BNC2: variants seen among roughly 807,000 people sequenced by gnomAD.
The protein encoded by BNC2 is basonuclin zinc finger protein 2, also known as zinc finger protein basonuclin-2.
A neutral mutation model predicts 76.3 loss-of-function variants in BNC2; 20 were observed. The observed-to-expected ratio is 0.26, with a 90% CI of 0.18 to 0.38. The LOEUF (loss-of-function observed/expected upper bound fraction) is 0.38, where lower values mean the gene tolerates loss of function less well. Among genes scored for constraint, BNC2 ranks in the 10% least tolerant of loss-of-function variants. BNC2 has a pLI of 1.00. For synonymous variants in BNC2, 582 were observed against 514.8 expected (o/e 1.13, Z -1.77); for missense variants, 1,382 against 1,399.8 (o/e 0.99, Z 0.20).
Position 16,663,263 on chromosome 9 carries a change from G to A in BNC2, c.330+64534C>T, listed in dbSNP as rs1462570196. 4.0e-5 allele frequency among the ~76,000 whole-genome samples: 6 copies of A among 151,346 alleles called. No homozygotes were observed. The East Asian group carries it at 7.8e-4, about 20-fold the overall frequency. ...TCCTGCCTCAGCCGCCCGAGTAGCT[G>A]GGCTGATTACAGGCGCCCGCCACCG... is the stretch of plus-strand genomic sequence containing the variant. On this transcript the variant is annotated intron_variant, in intron 3 of 6. Coordinates refer to ENST00000380672, the MANE Select transcript of BNC2 (RefSeq NM_017637.6).
chr9:16,693,385 C>A (rs893031447), intron 3 of BNC2, among the ~76,000 whole-genome samples: 2 of 152,120 alleles, frequency 1.3e-5, no homozygotes, highest in Non-Finnish European at 1.5e-5. Flanking sequence ...CCAATAGTCT[C>A]GGTCAGTGCC....
At chr9:16,670,164 G>C (rs28403152) in intron 3 of BNC2, among the ~76,000 whole-genome samples, 7,983 of 152,070 alleles carry the variant, frequency 0.052, 390 homozygotes, top group African/African-American at 0.12. Context: ...TGGTTTAATA[G>C]AAGCATTAAC....
chr9:16,633,286 G>A (rs917615770), intron 3 of BNC2, among the ~76,000 whole-genome samples: 2 of 152,158 alleles, frequency 1.3e-5, no homozygotes, highest in African/African-American at 4.8e-5. Context: ...CAAGGTTCTA[G>A]TTCTGTCCCA....
At chr9:16,577,033 G>A (rs546260546) in intron 4 of BNC2, among the ~76,000 whole-genome samples, 6 of 152,260 alleles carry the variant, frequency 3.9e-5, no homozygotes, top group Admixed American at 1.3e-4. Flanking sequence ...ACCGCGCCTG[G>A]CCCAAAACCT....
intron 1 of BNC2, among the ~76,000 whole-genome samples, chr9:16,744,852 C>T (rs1299636180): frequency 6.6e-6 from 1 of 152,204 alleles, no homozygotes; most frequent in African/African-American, 2.4e-5. Context: ...TTTATCACAT[C>T]ATGCCCACAT....
intron 1 of BNC2, among the ~76,000 whole-genome samples, chr9:16,848,973 G>A (rs1186608396): frequency 6.6e-6 from 1 of 152,100 alleles, no homozygotes; most frequent in Non-Finnish European, 1.5e-5. Flanking sequence ...TTAGACTTAG[G>A]TCCTGTCCCT....
chr9:16,523,340 A>G (rs1444474128), intron 5 of BNC2, among the ~76,000 whole-genome samples: 1 of 151,852 alleles, frequency 6.6e-6, no homozygotes, highest in Non-Finnish European at 1.5e-5. Flanking sequence ...GCAGGGTGGC[A>G]GGCGCCTGTG....
intron 1 of BNC2, among the ~76,000 whole-genome samples, chr9:16,837,700 T>C (rs1042642986): frequency 1.3e-5 from 2 of 152,192 alleles, no homozygotes; most frequent in Non-Finnish European, 2.9e-5. Context: ...TGTGATCCTC[T>C]GAAGGTATAT....
chr9:16,723,842 T>C (rs149506384), intron 3 of BNC2, among the ~76,000 whole-genome samples: 1 of 152,198 alleles, frequency 6.6e-6, no homozygotes, highest in African/African-American at 2.4e-5. Flanking sequence ...AACTAACACA[T>C]CATGCTAATG....
chr9:16,675,142 C>G (rs529276519), intron 3 of BNC2, among the ~76,000 whole-genome samples: 1 of 152,296 alleles, frequency 6.6e-6, no homozygotes, highest in South Asian at 2.1e-4. Context: ...AAAAATGTAG[C>G]CTCCTTGCAT....
intron 5 of BNC2, among the ~76,000 whole-genome samples, chr9:16,480,245 G>A (rs1013577288): frequency 1.3e-5 from 2 of 152,212 alleles, no homozygotes; most frequent in Non-Finnish European, 2.9e-5. Flanking sequence ...CGGCTTCTCA[G>A]TACACTGCAC....
Position 16,435,669 on chromosome 9 carries a change from A to T in BNC2, c.2525T>A (p.Phe842Tyr). The T allele has an allele frequency of 6.2e-7, 1 of 1,614,138 alleles. No homozygotes were observed. Among genetic ancestry groups the T allele is most frequent in the East Asian group, 2.2e-5 (1 of 44,878 alleles). The change falls in exon 6 of 7, where the codon TTC becomes TAC. Residue 842 changes from phenylalanine to tyrosine, a missense_variant. Physicochemically the swap from Phe to Tyr is conservative, Grantham distance 22. Coordinates refer to ENST00000380672, the MANE Select transcript of BNC2 (RefSeq NM_017637.6). ...PKICYVCKKS[F>Y]KSSYSVKLHY... ...AAGTTTCACACTGTAGGAGCTTTTG[A>T]AACTCTTCTTGCACACATAACAGAT...
intron 6 of BNC2, among the ~76,000 whole-genome samples, chr9:16,422,845 T>A (rs1250241612): frequency 3.3e-5 from 5 of 152,214 alleles, no homozygotes; most frequent in African/African-American, 1.2e-4. Flanking sequence ...GACTCTTGAA[T>A]CAGTCAATCC....
chr9:16,550,683 G>GT (rs1248170497), intron 5 of BNC2, among the ~76,000 whole-genome samples: 1 of 152,180 alleles, frequency 6.6e-6, no homozygotes, highest in Non-Finnish European at 1.5e-5. Flanking sequence ...GTATACAGGT[G>GT]TAAGTATCTT....
intron 3 of BNC2, among the ~76,000 whole-genome samples, chr9:16,664,106 T>C (rs1822194132): frequency 6.6e-6 from 1 of 152,184 alleles, no homozygotes; most frequent in African/African-American, 2.4e-5. Context: ...TTCCTCCTGT[T>C]TCCCAATGTA....
At chr9:16,480,411 C>T (rs930139196) in intron 5 of BNC2, among the ~76,000 whole-genome samples, 1 of 152,220 alleles carries the variant, frequency 6.6e-6, no homozygotes, top group Non-Finnish European at 1.5e-5. Flanking sequence ...TTTGGCGGCA[C>T]TTGAGGAGCC....
At chr9:16,736,429 T>A (rs1200414608) in intron 2 of BNC2, among the ~76,000 whole-genome samples, 11 of 45,428 alleles carry the variant, frequency 2.4e-4, no homozygotes, top group Non-Finnish European at 5.1e-4. Context: ...AAAATTTTTA[T>A]AGAAACAGAG....
intron 1 of BNC2, among the ~76,000 whole-genome samples, chr9:16,866,864 C>G (rs2136233874): frequency 2.0e-5 from 3 of 152,070 alleles, no homozygotes; most frequent in Admixed American, 2.0e-4. Context: ...AATTCCCATC[C>G]AACAGGAAAG....
intron 5 of BNC2, among the ~76,000 whole-genome samples, chr9:16,487,713 A>G (rs1342334842): frequency 6.6e-6 from 1 of 152,198 alleles, no homozygotes; most frequent in East Asian, 1.9e-4. Context: ...TAACATGTCC[A>G]CTGCTATGTA....
Sources: gnomAD v4.1 joint callset for allele counts (sites outside exome capture counted in the v4.1 genomes callset) on GRCh38, gnomAD v4.1.1 for gene constraint, MANE v1.5 for transcripts, NCBI Gene and HGNC (gene_info 2026-07-23, HGNC 2026-07-21) for gene names.